XIRP2: variants seen among roughly 807,000 people sequenced by gnomAD.
XIRP2 encodes the protein xin actin-binding repeat-containing protein 2.
A neutral mutation model predicts 277.0 loss-of-function variants in XIRP2; 236 were observed. The ratio of observed to expected loss-of-function variants is 0.85; its 90% CI spans 0.77 to 0.95. The LOEUF is 0.95. Ranked by LOEUF, XIRP2 falls within the 40% of genes least tolerant of loss-of-function variation. The pLI, the probability that XIRP2 is intolerant of heterozygous loss-of-function variation, is 0.00. For synonymous variants in XIRP2, 1,490 were observed against 1,416.5 expected (o/e 1.05, Z -1.17); for missense variants, 4,640 against 4,157.5 (o/e 1.12, Z -3.19).
At chr2:167,021,269 T>C (rs1687973317) in intron 2 of XIRP2, among the ~76,000 whole-genome samples, 1 of 152,094 alleles carries the variant, frequency 6.6e-6, no homozygotes, top group African/African-American at 2.4e-5. Flanking sequence ...TTGAAAGTTA[T>C]TCTTTATTGC....
Position 167,242,890 on chromosome 2 carries a change from C to A in XIRP2, c.1498C>A (p.Arg500Ser), listed in dbSNP as rs375603641. 4 of 1,613,920 alleles carry A rather than the reference C, an allele frequency of 2.5e-6. No individual in the cohort carries two copies. Among genetic ancestry groups the A allele is most frequent in the Non-Finnish European group, 3.4e-6 (4 of 1,179,916 alleles). The change falls in exon 9 of 11, where the codon CGT (arginine) becomes AGT (serine). Residue 500 changes from arginine to serine, a missense_variant. Arg to Ser is a moderately radical substitution (Grantham distance 110, BLOSUM62 -1). Coordinates refer to ENST00000409195, the MANE Select transcript of XIRP2 (RefSeq NM_152381.6). ...GCAAAGAAATTTGTATGAATTAAAC[C>A]GTTTATATAAACACATCCATCCTGA... ...SKQRNLYELN[R>S]LYKHIHPELR...
chr2:166,955,754 A>G (rs1015625513), intron 2 of XIRP2, among the ~76,000 whole-genome samples: 2 of 151,504 alleles, frequency 1.3e-5, no homozygotes, highest in African/African-American at 4.8e-5. Flanking sequence ...TTGTGCTTCG[A>G]ATATTTTGAA....
chr2:167,244,940 A>G lies in XIRP2; in HGVS notation c.3548A>G (p.Lys1183Arg). 6.2e-7 allele frequency: 1 copy of G among 1,612,534 alleles called. No individual in the cohort carries two copies. Among genetic ancestry groups the G allele is most frequent in the Non-Finnish European group, 8.5e-7 (1 of 1,179,518 alleles). ...NLDSIQGEEV[K>R]EIKPVEMDIQ... Reference sequence around the variant, plus strand: ...GACAGCATACAAGGAGAAGAAGTGAAGGAAATCAAGCCTGTTGAAATGGAT... The same window carrying G: ...GACAGCATACAAGGAGAAGAAGTGAGGGAAATCAAGCCTGTTGAAATGGAT... Residue 1183 changes from lysine to arginine, a missense_variant, in exon 9 of 11, where the codon AAG (lysine) becomes AGG (arginine). Coordinates refer to ENST00000409195, the MANE Select transcript of XIRP2 (RefSeq NM_152381.6).
chr2:167,143,786 A>G (rs1453238551), intron 3 of XIRP2, among the ~76,000 whole-genome samples: 1 of 148,854 alleles, frequency 6.7e-6, no homozygotes, highest in Non-Finnish European at 1.5e-5. Context: ...TCACCATCGT[A>G]AAAAAAAAAC....
intron 1 of XIRP2, among the ~76,000 whole-genome samples, chr2:166,899,535 A>G (rs900472530): frequency 6.6e-6 from 1 of 151,886 alleles, no homozygotes; most frequent in African/African-American, 2.4e-5. Context: ...CCCCTAGCCA[A>G]TTTTTTAGTA....
intron 5 of XIRP2, among the ~76,000 whole-genome samples, chr2:167,225,798 G>C (rs1414557142): frequency 6.6e-6 from 1 of 152,132 alleles, no homozygotes; most frequent in Non-Finnish European, 1.5e-5. Context: ...ATCTTTCACT[G>C]AATTTTTCCT....
At chr2:167,003,721 A>G (rs1231329218) in intron 2 of XIRP2, among the ~76,000 whole-genome samples, 2 of 151,956 alleles carry the variant, frequency 1.3e-5, no homozygotes, top group African/African-American at 2.4e-5. Context: ...TCTCGAAGCA[A>G]TGGAAAGCTG....
At chr2:167,059,687 A>G (rs938870380) in intron 2 of XIRP2, among the ~76,000 whole-genome samples, 1 of 152,194 alleles carries the variant, frequency 6.6e-6, no homozygotes, top group Admixed American at 6.5e-5. Context: ...CTGACAAAAG[A>G]AAGCTACATA....
chr2:166,899,735 A>G (rs1034769520), intron 1 of XIRP2, among the ~76,000 whole-genome samples: 4 of 152,140 alleles, frequency 2.6e-5, no homozygotes, highest in African/African-American at 9.7e-5. Flanking sequence ...ATTTGCTGTC[A>G]TTCACATTGT....
intron 3 of XIRP2, among the ~76,000 whole-genome samples, chr2:167,191,335 C>T (rs988723441): frequency 1.3e-5 from 2 of 152,108 alleles, no homozygotes; most frequent in African/African-American, 2.4e-5. Context: ...TAGCTAGTAA[C>T]TCATACATGG....
intron 2 of XIRP2, among the ~76,000 whole-genome samples, chr2:167,062,164 T>TTGTGTGCA (rs1689188014): frequency 6.6e-6 from 1 of 152,190 alleles, no homozygotes; most frequent in Non-Finnish European, 1.5e-5. Context: ...GGTATGTCAA[T>TTGTGTGCA]TGTGTGCATC....
At chr2:167,078,602 C>T (rs1284994070) in intron 2 of XIRP2, among the ~76,000 whole-genome samples, 3 of 151,818 alleles carry the variant, frequency 2.0e-5, no homozygotes, top group African/African-American at 4.8e-5. Flanking sequence ...TTTGGGAGGC[C>T]GAGGTGGGCA....
intron 2 of XIRP2, among the ~76,000 whole-genome samples, chr2:167,004,897 T>A (rs1336216190): frequency 2.0e-5 from 3 of 151,870 alleles, no homozygotes; most frequent in Admixed American, 1.3e-4. Context: ...AGTCCTAACA[T>A]TGTTTCCTTA....
At chr2:166,987,855 A>G (rs1687048199) in intron 2 of XIRP2, among the ~76,000 whole-genome samples, 1 of 152,252 alleles carries the variant, frequency 6.6e-6, no homozygotes, top group Non-Finnish European at 1.5e-5. Context: ...CCAATAGAAT[A>G]AGGTAAGTAT....
intron 2 of XIRP2, among the ~76,000 whole-genome samples, chr2:167,013,519 T>C (rs1384362687): frequency 6.6e-6 from 1 of 151,528 alleles, no homozygotes; most frequent in Non-Finnish European, 1.5e-5. Context: ...GTTAGCAAGG[T>C]TCTTCCTCAT....
At chr2:166,964,322 G>T (rs138936874) in intron 2 of XIRP2, among the ~76,000 whole-genome samples, 40 of 151,848 alleles carry the variant, frequency 2.6e-4, no homozygotes, top group African/African-American at 9.2e-4. Context: ...TTCTCATAAT[G>T]CAGGAGGATG....
chr2:167,020,240 C>T (rs191096149), intron 2 of XIRP2, among the ~76,000 whole-genome samples: 5 of 152,054 alleles, frequency 3.3e-5, no homozygotes, highest in African/African-American at 4.8e-5. Context: ...TCTCATCTAT[C>T]GGGATCTTTC....
rs1689054156 is a variant in XIRP2, at chr2:167,057,088, G to A, written c.409-78821G>A. Reference sequence around the variant, plus strand: ...ACTGTGGATAAAAAGTAAAGTGCATGGTCCAAGGATCACTAAATATTTATT... The same window carrying A: ...ACTGTGGATAAAAAGTAAAGTGCATAGTCCAAGGATCACTAAATATTTATT... On this transcript the variant is annotated intron_variant, in intron 2 of 10. Coordinates refer to ENST00000409195, the MANE Select transcript of XIRP2 (RefSeq NM_152381.6). Among the ~76,000 whole-genome samples, 4 of 152,106 alleles carry A rather than the reference G, an allele frequency of 2.6e-5. No individual in the cohort carries two copies. In the South Asian group the frequency reaches 8.3e-4, roughly 32 times the overall value.
rs760433462 is a variant in XIRP2 at position 166,903,706 on chromosome 2, C to T, written c.224C>T (p.Pro75Leu). 8.7e-6 allele frequency: 14 copies of T among 1,613,448 alleles called. No individual in the cohort carries two copies. In the South Asian group the frequency reaches 8.8e-5, roughly 10 times the overall value. Reference sequence around the variant, plus strand: ...GGGGAAGAGATGTGGAGTTCGAAGCCGGAAGAGAAGGATTCTGTGGACAAG... The same window carrying T: ...GGGGAAGAGATGTGGAGTTCGAAGCTGGAAGAGAAGGATTCTGTGGACAAG... ...STGEEMWSSK[P>L]EEKDSVDKSN... Residue 75 changes from proline to leucine, a missense_variant, in exon 2 of 11, where the codon CCG becomes CTG. Coordinates refer to ENST00000409195, the MANE Select transcript of XIRP2 (RefSeq NM_152381.6).
Sources: allele counts gnomAD v4.1 joint callset (sites outside exome capture counted in the v4.1 genomes callset), GRCh38; gene constraint gnomAD v4.1.1; transcripts MANE v1.5; gene names NCBI Gene and HGNC (gene_info 2026-07-23, HGNC 2026-07-21).